Variants in PRKCI observed in about 807,000 individuals in gnomAD.
The protein encoded by PRKCI is protein kinase C iota type.
Under a neutral mutation model 84.0 loss-of-function variants are expected in PRKCI, and 43 were observed. The observed-to-expected ratio is 0.51, with a 90% confidence interval of 0.40 to 0.66. PRKCI has a LOEUF of 0.66. Ranked by LOEUF, PRKCI falls within the 30% of genes least tolerant of loss-of-function variation. The pLI is 0.00. For synonymous variants in PRKCI, 216 were observed against 234.4 expected, an observed-to-expected ratio of 0.92 and a Z score of 0.72; for missense variants, 459 against 745.6, an observed-to-expected ratio of 0.62 and a Z score of 4.48.
At chr3:170,297,267 C>T (rs745478397) in intron 15 of PRKCI, 37 bp from the exon 16 acceptor site, 67 of 1,485,006 alleles carry the variant, frequency 4.5e-5, no homozygotes, top group East Asian at 2.0e-4. Flanking sequence ...TAAAGCATGA[C>T]ATTCACCCAA....
In PRKCI at chr3:170,303,047, G is replaced by A. The variant is rs1305100978; in HGVS notation, c.1711G>A (p.Val571Met). The change falls in exon 18 of 18, where the codon GTG (valine) becomes ATG (methionine). Residue 571 changes from valine to methionine, a missense_variant. Physicochemically the swap from Val to Met is conservative, Grantham distance 21. Transcript: ENST00000295797. ...VQLTPDDDDI[V>M]RKIDQSEFEG... ...TTATTTTTCTTTCAACAGTGACATT[G>A]TGAGGAAGATTGATCAGTCTGAATT... 4.4e-6 allele frequency: 7 copies of A among 1,592,942 alleles called. No individual in the cohort carries two copies. Among genetic ancestry groups the A allele is most frequent in the East Asian group, 2.3e-5 (1 of 44,156 alleles).
intron 2 of PRKCI, among the ~76,000 whole-genome samples, chr3:170,241,720 G>C (rs1733138728): frequency 6.8e-6 from 1 of 147,892 alleles, no homozygotes; most frequent in South Asian, 2.1e-4. Flanking sequence ...ACTCAGGCTG[G>C]AGTGTACTGA....
chr3:170,251,153 T>C (rs969135367), intron 2 of PRKCI, among the ~76,000 whole-genome samples: 1 of 152,136 alleles, frequency 6.6e-6, no homozygotes, highest in African/African-American at 2.4e-5. Flanking sequence ...GAAACTCAAT[T>C]GAGTGTCATA....
intron 6 of PRKCI, among the ~76,000 whole-genome samples, chr3:170,271,693 T>C (rs1403881828): frequency 1.3e-5 from 2 of 152,222 alleles, no homozygotes; most frequent in East Asian, 3.8e-4. Context: ...TTGTCTTCTT[T>C]ATTCTTTTAT....
intron 3 of PRKCI, 31 bp from the exon 4 acceptor site, chr3:170,263,348 T>C (rs1560175772): frequency 3.2e-6 from 5 of 1,555,692 alleles, no homozygotes; most frequent in Non-Finnish European, 4.4e-6. Flanking sequence ...TTAAATATGC[T>C]GTTAACTCAT....
intron 17 of PRKCI, among the ~76,000 whole-genome samples, chr3:170,300,016 T>G (rs1225329744): frequency 6.6e-6 from 1 of 152,232 alleles, no homozygotes; most frequent in Admixed American, 6.5e-5. Flanking sequence ...AACATGTAGT[T>G]TGGAATAATT....
intron 1 of PRKCI, among the ~76,000 whole-genome samples, chr3:170,233,406 G>T (rs1237656136): frequency 6.6e-6 from 1 of 152,058 alleles, no homozygotes; most frequent in Non-Finnish European, 1.5e-5. Flanking sequence ...TTGTGATAAA[G>T]CAGATTATAT....
intron 1 of PRKCI, among the ~76,000 whole-genome samples, chr3:170,234,031 C>T (rs1204623661): frequency 2.1e-5 from 2 of 93,336 alleles, no homozygotes; most frequent in African/African-American, 4.3e-5. Context: ...TATACTTACA[C>T]TTTTTTTTTT....
intron 12 of PRKCI, among the ~76,000 whole-genome samples, chr3:170,291,074 T>G (rs1464254586): frequency 3.3e-5 from 5 of 151,982 alleles, no homozygotes; most frequent in African/African-American, 1.2e-4. Flanking sequence ...AGGCGGAGGT[T>G]GCAGTGAGCT....
rs770546611 is a variant in PRKCI at position 170,295,895 on chromosome 3, A to T, written c.1418-16A>T. 1 of 1,470,756 alleles carries T rather than the reference A, an allele frequency of 6.8e-7. No homozygotes were observed. Among genetic ancestry groups the T allele is most frequent in the Non-Finnish European group, 9.3e-7 (1 of 1,074,542 alleles). 91.1% of individuals were successfully genotyped at this position (1,470,756 alleles called of 1,614,324 possible). A position where few individuals can be genotyped will look rare whatever the true frequency, so the allele number is the denominator to read the frequency against. The stretch of plus-strand genomic sequence containing the variant: ...TGTAAAAGTTAAATATAATACTATA[A>T]TTTTTATCTTTCTAGTTATTTTGGA... On this transcript the variant is annotated splice_polypyrimidine_tract_variant and intron_variant, in intron 14 of 17. Coordinates refer to ENST00000295797, the MANE Select transcript of PRKCI (RefSeq NM_002740.6).
chr3:170,242,800 A>T (rs1229150134), intron 2 of PRKCI, among the ~76,000 whole-genome samples: 3 of 151,780 alleles, frequency 2.0e-5, no homozygotes, highest in Non-Finnish European at 4.4e-5. Flanking sequence ...CCTCCCGAGT[A>T]GCTGGGATTA....
At chr3:170,275,184 C>T (rs1734083378) in intron 7 of PRKCI, 45 bp from the exon 8 acceptor site, 3 of 1,357,178 alleles carry the variant, frequency 2.2e-6, no homozygotes, top group Non-Finnish European at 1.9e-6. Flanking sequence ...TTTTCTCCTG[C>T]ACCTTTTTTT....
chr3:170,303,153 A>G lies in PRKCI; in HGVS notation c.*26A>G. 1 of 1,531,072 alleles carries G rather than the reference A, an allele frequency of 6.5e-7. No individual in the cohort carries two copies. Among genetic ancestry groups the G allele is most frequent in the Non-Finnish European group, 8.9e-7 (1 of 1,122,310 alleles). The allele number at this position is 1,531,072 out of a possible 1,614,324, so 94.8% of individuals were successfully genotyped here. Reference sequence around the variant, plus strand: ...TCCTCATTTTTCAACCATGTATTCTACTCATGTTGCCATTTAATGCATGGA... The same window carrying G: ...TCCTCATTTTTCAACCATGTATTCTGCTCATGTTGCCATTTAATGCATGGA... On this transcript the variant is annotated 3_prime_UTR_variant, in exon 18 of 18. Coordinates refer to ENST00000295797, the MANE Select transcript of PRKCI (RefSeq NM_002740.6).
intron 1 of PRKCI, among the ~76,000 whole-genome samples, chr3:170,226,005 C>T (rs1732618890): frequency 6.6e-6 from 1 of 151,954 alleles, no homozygotes; most frequent in Admixed American, 6.6e-5. Flanking sequence ...CTCCGCCTCC[C>T]AGGTTCAAGG....
At chr3:170,263,803 GA>G (rs931857821) in intron 4 of PRKCI, among the ~76,000 whole-genome samples, 149 of 143,338 alleles carry the variant, frequency 1.0e-3, no homozygotes, top group Middle Eastern at 3.5e-3. Context: ...GTCTCAAGGG[GA>G]AAAAAAAAAA....
chr3:170,279,031 T>C (rs1023714666), intron 8 of PRKCI, among the ~76,000 whole-genome samples: 1 of 152,174 alleles, frequency 6.6e-6, no homozygotes, highest in African/African-American at 2.4e-5. Flanking sequence ...CAAATTATTA[T>C]TATTATTACT....
chr3:170,261,127 ATT>A (rs982994574), intron 3 of PRKCI, among the ~76,000 whole-genome samples: 31 of 134,568 alleles, frequency 2.3e-4, no homozygotes, highest in African/African-American at 4.5e-4. Flanking sequence ...TGACTGGCTA[ATT>A]TTTTTTTTTT....
intron 17 of PRKCI, among the ~76,000 whole-genome samples, chr3:170,300,214 G>A (rs1161064828): frequency 6.6e-6 from 1 of 152,112 alleles, no homozygotes; most frequent in African/African-American, 2.4e-5. Flanking sequence ...ACTGTTAATG[G>A]ATTAACCTTG....
chr3:170,292,290 C>T (rs545774905), intron 13 of PRKCI, among the ~76,000 whole-genome samples: 30 of 152,218 alleles, frequency 2.0e-4, no homozygotes, highest in African/African-American at 7.0e-4. Context: ...AACTGACATA[C>T]GGAAAGTTTA....
Sources: gnomAD v4.1 joint callset for allele counts (sites outside exome capture counted in the v4.1 genomes callset) on GRCh38, gnomAD v4.1.1 for gene constraint, MANE v1.5 for transcripts, NCBI Gene and HGNC (gene_info 2026-07-23, HGNC 2026-07-21) for gene names.